The following LUZP2 variants were observed in gnomAD, a reference collection of about 807,000 sequenced individuals.
The protein encoded by LUZP2 is leucine zipper protein 2.
LUZP2 carries 52 observed loss-of-function variants against 51.6 expected under a neutral mutation model. The ratio of observed to expected loss-of-function variants is 1.01; its 90% confidence interval spans 0.81 to 1.27. The LOEUF is 1.27. LUZP2 is among the 50% of genes most tolerant of loss of function. LUZP2 has a pLI of 0.00. For missense variants in LUZP2, 436 were observed against 395.4 expected, an observed-to-expected ratio of 1.10 and a Z score of -0.87; for synonymous variants, 154 against 137.3, an observed-to-expected ratio of 1.12 and a Z score of -0.85.
At chr11:24,643,254 CAAAAAAAAAA>C (rs570616833) in intron 1 of LUZP2, among the ~76,000 whole-genome samples, 1 of 75,724 alleles carries the variant, frequency 1.3e-5, no homozygotes. Context: ...ACTAAAAGTA[CAAAAAAAAAA>C]AAAAAAAAAA....
intron 1 of LUZP2, among the ~76,000 whole-genome samples, chr11:24,656,144 T>C (rs1408987925): frequency 1.3e-5 from 2 of 152,196 alleles, no homozygotes; most frequent in African/African-American, 4.8e-5. Context: ...CAAAATGAAG[T>C]TAAATCTATT....
At chr11:24,717,689 A>G (rs939267589) in intron 1 of LUZP2, among the ~76,000 whole-genome samples, 2 of 151,910 alleles carry the variant, frequency 1.3e-5, no homozygotes, top group Non-Finnish European at 2.9e-5. Flanking sequence ...TGCTGGGATT[A>G]CAGGCGTGAG....
chr11:25,041,304 AAT>A (rs1858050537), intron 9 of LUZP2, among the ~76,000 whole-genome samples: 1 of 152,144 alleles, frequency 6.6e-6, no homozygotes, highest in East Asian at 1.9e-4. Context: ...TTAATAATAA[AAT>A]AGAACAATTA....
chr11:24,867,769 G>A (rs1471826961), intron 5 of LUZP2, among the ~76,000 whole-genome samples: 5 of 152,108 alleles, frequency 3.3e-5, no homozygotes, highest in African/African-American at 4.8e-5. Context: ...AGGGAGGAAA[G>A]GCATCATTTG....
At chr11:24,661,196 CA>C (rs1856009048) in intron 1 of LUZP2, among the ~76,000 whole-genome samples, 1 of 151,892 alleles carries the variant, frequency 6.6e-6, no homozygotes, top group Non-Finnish European at 1.5e-5. Context: ...TCTAAAAATA[CA>C]ACATGTATTT....
intron 1 of LUZP2, among the ~76,000 whole-genome samples, chr11:24,658,091 C>A (rs10767231): frequency 0.55 from 82,989 of 151,870 alleles, 23,083 homozygotes; most frequent in African/African-American, 0.63. Flanking sequence ...GTTCATATGG[C>A]ACCAAAAAAG....
In LUZP2 at chr11:24,568,366, A is replaced by C. The variant is rs535801201; in HGVS notation, c.62+71061A>C. On this transcript the variant is annotated intron_variant, in intron 1 of 11. Coordinates refer to ENST00000336930, the MANE Select transcript of LUZP2 (RefSeq NM_001009909.4). The stretch of plus-strand genomic sequence containing the variant: ...GAGAATCTGTCTCAGAAAAAAAAAA[A>C]AAAAAAAGGACTAGATTATTATATT... 2.7e-3 allele frequency among the ~76,000 whole-genome samples: 410 copies of C among 151,890 alleles called. 5 individuals are homozygous for C. Among genetic ancestry groups the C allele is most frequent in the African/African-American group, 9.3e-3 (387 of 41,480 alleles).
chr11:24,831,166 C>A (rs1850692783), intron 5 of LUZP2, among the ~76,000 whole-genome samples: 1 of 152,078 alleles, frequency 6.6e-6, no homozygotes, highest in East Asian at 1.9e-4. Flanking sequence ...TTACGTTGAC[C>A]TTGTTTATTT....
intron 7 of LUZP2, among the ~76,000 whole-genome samples, chr11:24,940,317 G>GA (rs1380090040): frequency 1.3e-5 from 2 of 151,524 alleles, no homozygotes; most frequent in Admixed American, 1.3e-4. Context: ...GGGTAGTAAG[G>GA]AAAAAAAATA....
chr11:25,027,198 G>T (rs1857517419), intron 9 of LUZP2, among the ~76,000 whole-genome samples: 1 of 151,864 alleles, frequency 6.6e-6, no homozygotes, highest in Admixed American at 6.6e-5. Context: ...AATGTAACAA[G>T]GATTTATGTT....
intron 5 of LUZP2, among the ~76,000 whole-genome samples, chr11:24,764,493 A>C (rs1324727751): frequency 1.5e-3 from 42 of 27,138 alleles, no homozygotes; most frequent in Non-Finnish European, 3.0e-3. Context: ...TCATCTCTAA[A>C]AAAAAAAAAA....
intron 4 of LUZP2, among the ~76,000 whole-genome samples, chr11:24,761,289 G>T (rs963669668): frequency 1.3e-5 from 2 of 152,200 alleles, no homozygotes; most frequent in East Asian, 3.9e-4. Context: ...GACAGAGAAG[G>T]GGGAGAGATG....
chr11:24,953,221 G>A (rs995393848), intron 7 of LUZP2, among the ~76,000 whole-genome samples: 1 of 151,868 alleles, frequency 6.6e-6, no homozygotes, highest in Non-Finnish European at 1.5e-5. Flanking sequence ...TTTGGAATAA[G>A]CATCTAGTGC....
At chr11:24,800,915 T>C (rs1485558737) in intron 5 of LUZP2, among the ~76,000 whole-genome samples, 1 of 152,162 alleles carries the variant, frequency 6.6e-6, no homozygotes, top group African/African-American at 2.4e-5. Flanking sequence ...CCAAAAGCTA[T>C]TATGAGTTCT....
intron 1 of LUZP2, among the ~76,000 whole-genome samples, chr11:24,522,077 C>T (rs1850658734): frequency 6.6e-6 from 1 of 152,016 alleles, no homozygotes; most frequent in Non-Finnish European, 1.5e-5. Context: ...GGCTACCTTT[C>T]GTAGGAGGAT....
Position 24,566,271 on chromosome 11 carries a change from G to C in LUZP2, c.62+68966G>C, listed in dbSNP as rs7924337. Among the ~76,000 whole-genome samples the C allele has an allele frequency of 6.7e-5, 10 of 150,366 alleles. No homozygotes were observed. The South Asian group carries it at 1.3e-3, about 19-fold the overall frequency. ...ACCATAATTCATTAACTAATGACTAGCGATAAAGATTAAAACATTATTTAT... is the reference window on the plus strand; with the variant it reads ...ACCATAATTCATTAACTAATGACTACCGATAAAGATTAAAACATTATTTAT... On this transcript the variant is annotated intron_variant, in intron 1 of 11. Coordinates refer to ENST00000336930, the MANE Select transcript of LUZP2 (RefSeq NM_001009909.4).
At chr11:24,873,523 C>T (rs1852149700) in intron 5 of LUZP2, among the ~76,000 whole-genome samples, 1 of 152,114 alleles carries the variant, frequency 6.6e-6, no homozygotes, top group African/African-American at 2.4e-5. Flanking sequence ...TCAGATAACC[C>T]TTTGACTTCA....
chr11:24,602,496 A>C (rs1289631862), intron 1 of LUZP2, among the ~76,000 whole-genome samples: 1 of 150,560 alleles, frequency 6.6e-6, no homozygotes, highest in Admixed American at 6.7e-5. Flanking sequence ...AATTGGACCT[A>C]ATCTGAATAA....
At chr11:24,682,706 AAG>A (rs1856782294) in intron 1 of LUZP2, among the ~76,000 whole-genome samples, 1 of 151,542 alleles carries the variant, frequency 6.6e-6, no homozygotes, top group Admixed American at 6.6e-5. Context: ...ACTAAGAACT[AAG>A]AATAATAATG....
Sources: allele counts gnomAD v4.1 joint callset (sites outside exome capture counted in the v4.1 genomes callset), GRCh38; gene constraint gnomAD v4.1.1; transcripts MANE v1.5; gene names NCBI Gene and HGNC (gene_info 2026-07-23, HGNC 2026-07-21).